DOCK7: variants seen among roughly 807,000 people sequenced by gnomAD.
DOCK7 encodes dedicator of cytokinesis 7.
DOCK7 carries 138 observed loss-of-function variants against 271.0 expected under a neutral mutation model. That is an observed-to-expected ratio of 0.51 (90% confidence interval 0.44 to 0.59). The LOEUF is 0.59. Ranked by LOEUF, DOCK7 falls within the 20% of genes least tolerant of loss-of-function variation. The probability of loss-of-function intolerance (pLI) is 0.00; values close to 1 mark genes in which losing one functional copy is unlikely to be tolerated. For missense variants in DOCK7, 2,066 were observed against 2,592.4 expected (o/e 0.80, Z 4.41); for synonymous variants, 823 against 876.1 (o/e 0.94, Z 1.07).
Position 62,510,663 on chromosome 1 carries a change from T to C in DOCK7, c.4293A>G (p.Pro1431=). Residue 1431 remains proline, a synonymous_variant, in exon 34 of 50, where the codon CCA becomes CCG. Coordinates refer to ENST00000635253, the MANE Select transcript of DOCK7 (RefSeq NM_001367561.1). Reference sequence around the variant, plus strand: ...CTTGACTTCCAAAGGCACTTCCAGATGGGCTTCTCTCTGTCAAATAAATTT... The same window carrying C: ...CTTGACTTCCAAAGGCACTTCCAGACGGGCTTCTCTCTGTCAAATAAATTT... ...YTIASPPERS[P]SGSAFGSQEN... is the part of the protein sequence containing the mutation. The C allele has an allele frequency of 6.2e-7, 1 of 1,613,058 alleles. No homozygotes were observed. Among genetic ancestry groups the C allele is most frequent in the Admixed American group, 1.7e-5 (1 of 59,950 alleles).
intron 1 of DOCK7, among the ~76,000 whole-genome samples, chr1:62,668,863 T>C (rs1571961584): frequency 6.7e-6 from 1 of 149,730 alleles, no homozygotes; most frequent in Non-Finnish European, 1.5e-5. Context: ...AGGTCAAGGC[T>C]ATAGTAAGCC....
intron 21 of DOCK7, among the ~76,000 whole-genome samples, chr1:62,553,379 T>A (rs1331599452): frequency 4.3e-3 from 41 of 9,598 alleles, no homozygotes; most frequent in Non-Finnish European, 6.7e-3. Context: ...TTTTTTTTTT[T>A]TTTTTTAATA....
At chr1:62,531,717 C>T (rs1645179565) in intron 29 of DOCK7, among the ~76,000 whole-genome samples, 1 of 152,176 alleles carries the variant, frequency 6.6e-6, no homozygotes, top group South Asian at 2.1e-4. Context: ...ACAAACATTC[C>T]TCTCAAGGAT....
At chr1:62,603,247 C>T (rs1650421472) in intron 14 of DOCK7, among the ~76,000 whole-genome samples, 1 of 151,640 alleles carries the variant, frequency 6.6e-6, no homozygotes, top group South Asian at 2.1e-4. Context: ...TATTTACCAG[C>T]AATCCTTAAA....
intron 31 of DOCK7, among the ~76,000 whole-genome samples, chr1:62,514,827 G>C (rs990639314): frequency 6.6e-6 from 1 of 152,008 alleles, no homozygotes; most frequent in Non-Finnish European, 1.5e-5. Context: ...TACCAAGAAA[G>C]GGTAAAGCTA....
intron 1 of DOCK7, among the ~76,000 whole-genome samples, chr1:62,676,366 T>C (rs1660550278): frequency 6.6e-6 from 1 of 152,210 alleles, no homozygotes; most frequent in Non-Finnish European, 1.5e-5. Context: ...TGCCCAGGGC[T>C]TGGGGTCAAA....
intron 14 of DOCK7, chr1:62,598,691 T>C: frequency 1.3e-6 from 2 of 1,563,676 alleles, no homozygotes; most frequent in Admixed American, 1.7e-5. Flanking sequence ...ACTCTCTATA[T>C]CCAGACTTTT....
intron 48 of DOCK7, among the ~76,000 whole-genome samples, chr1:62,461,391 T>C (rs1433046164): frequency 1.3e-5 from 2 of 152,024 alleles, no homozygotes; most frequent in Non-Finnish European, 2.9e-5. Context: ...ATATATAAAG[T>C]TAACTGCAGC....
chr1:62,562,085 A>T (rs1274370772), intron 18 of DOCK7, among the ~76,000 whole-genome samples: 1 of 151,762 alleles, frequency 6.6e-6, no homozygotes, highest in Non-Finnish European at 1.5e-5. Flanking sequence ...CATTTATTAC[A>T]TTGTGAATCT....
chr1:62,620,656 G>A (rs992995845), intron 12 of DOCK7, among the ~76,000 whole-genome samples: 18 of 151,576 alleles, frequency 1.2e-4, no homozygotes, highest in Admixed American at 9.8e-4. Flanking sequence ...CGAGGCGGGC[G>A]GACCATGAGG....
At chr1:62,583,724 T>A (rs886983668) in intron 15 of DOCK7, among the ~76,000 whole-genome samples, 8 of 152,160 alleles carry the variant, frequency 5.3e-5, no homozygotes, top group South Asian at 2.1e-4. Context: ...AAGCTATGTA[T>A]CCTTTGCTTC....
At chr1:62,618,627 G>A in intron 14 of DOCK7, 79 bp downstream of exon 14, 1 of 1,272,792 alleles carries the variant, frequency 7.9e-7, no homozygotes, top group East Asian at 2.5e-5. Context: ...GATTTTTGGA[G>A]AGTTTATTCT....
In DOCK7 at chr1:62,565,153, T is replaced by G. The variant is rs144529688; in HGVS notation, c.2113-3450A>C. Among the ~76,000 whole-genome samples the G allele has an allele frequency of 3.8e-3, 584 of 152,240 alleles. 6 individuals carry two copies. The highest frequency in any genetic ancestry group is 0.013 in the African/African-American group (529 of 41,536). ...AAGCTGGTACCATTCCTTCTGAAAC[T>G]ATTCCAAACAACAGAAAAAGAGGGA... is the stretch of plus-strand genomic sequence containing the variant. On this transcript the variant is annotated intron_variant, in intron 18 of 49. Coordinates refer to ENST00000635253, the MANE Select transcript of DOCK7 (RefSeq NM_001367561.1).
intron 2 of DOCK7, among the ~76,000 whole-genome samples, chr1:62,655,694 T>TG (rs1431551418): frequency 6.6e-6 from 1 of 152,204 alleles, no homozygotes; most frequent in Admixed American, 6.5e-5. Flanking sequence ...CCCGAAGTGC[T>TG]GGGATTACAG....
chr1:62,460,656 CT>C, intron 48 of DOCK7, among the ~76,000 whole-genome samples: 1 of 150,902 alleles, frequency 6.6e-6, no homozygotes, highest in African/African-American at 2.4e-5. Context: ...AAGTATTTTT[CT>C]TTTTTTCTTT....
At chr1:62,598,698 T>G (rs775927243) in intron 14 of DOCK7, 2 of 1,596,416 alleles carry the variant, frequency 1.3e-6, no homozygotes, top group South Asian at 1.1e-5. Context: ...ATATCCAGAC[T>G]TTTGTAGAAA....
chr1:62,640,384 T>C lies in DOCK7; in HGVS notation c.819-3781A>G, dbSNP rs557852242. Reference sequence around the variant, plus strand: ...AAAAATACAAAAAATTAGCCAGGCATGGTGGCAGGCGCCTGTAGTCCCAGC... The same window carrying C: ...AAAAATACAAAAAATTAGCCAGGCACGGTGGCAGGCGCCTGTAGTCCCAGC... On this transcript the variant is annotated intron_variant, in intron 7 of 49. Transcript: ENST00000635253. 8.5e-5 allele frequency among the ~76,000 whole-genome samples: 13 copies of C among 152,124 alleles called. No individual in the cohort carries two copies. The South Asian group carries it at 1.7e-3, about 19-fold the overall frequency.
intron 18 of DOCK7, among the ~76,000 whole-genome samples, chr1:62,575,482 T>G (rs924925215): frequency 6.6e-6 from 1 of 152,228 alleles, no homozygotes; most frequent in Non-Finnish European, 1.5e-5. Context: ...TATATCACTT[T>G]AAGAATATGG....
Position 62,523,490 on chromosome 1 carries a change from C to T in DOCK7, c.3936+4661G>A, listed in dbSNP as rs1025620167. ...AAAATTTCGAATGTAACACAGAATACCTTCAAAATTCTGAAACAGAAAAAA... is the reference window on the plus strand; with the variant it reads ...AAAATTTCGAATGTAACACAGAATATCTTCAAAATTCTGAAACAGAAAAAA... On this transcript the variant is annotated intron_variant, in intron 31 of 49. Coordinates refer to ENST00000635253, the MANE Select transcript of DOCK7 (RefSeq NM_001367561.1). Among the ~76,000 whole-genome samples the T allele has an allele frequency of 5.9e-5, 9 of 151,930 alleles. No individual in the cohort carries two copies. In the South Asian group the frequency reaches 1.0e-3, roughly 18 times the overall value.
Sources: allele counts gnomAD v4.1 joint callset (sites outside exome capture counted in the v4.1 genomes callset), GRCh38; gene constraint gnomAD v4.1.1; transcripts MANE v1.5; gene names NCBI Gene and HGNC (gene_info 2026-07-23, HGNC 2026-07-21).